Variants in CCNY observed in about 807,000 individuals in gnomAD.
CCNY encodes the protein cyclin-Y.
In CCNY, 19 loss-of-function variants were observed where a neutral mutation model predicts 42.8. The observed-to-expected ratio is 0.44, with a 90% CI of 0.31 to 0.65. The LOEUF is 0.65. Among genes scored for constraint, CCNY ranks in the 30% least tolerant of loss-of-function variants. CCNY has a pLI of 0.07. For synonymous variants in CCNY, 165 were observed against 162.7 expected, an observed-to-expected ratio of 1.01 and a Z score of -0.11; for missense variants, 370 against 437.3, an observed-to-expected ratio of 0.85 and a Z score of 1.37.
intron 3 of CCNY, among the ~76,000 whole-genome samples, chr10:35,516,261 G>A (rs1194879049): frequency 2.0e-5 from 3 of 152,230 alleles, no homozygotes; most frequent in Non-Finnish European, 4.4e-5. Context: ...GCTTTTTGAT[G>A]CTTGATTGCA....
chr10:35,428,187 T>C (rs1838310615), intron 1 of CCNY, among the ~76,000 whole-genome samples: 1 of 152,322 alleles, frequency 6.6e-6, no homozygotes, highest in Non-Finnish European at 1.5e-5. Context: ...CTTTACAGTC[T>C]AATGGGAGAG....
At position 35,267,732 on chromosome 10, in the gene CCNY, C is replaced by T. The variant is rs1450281537; in HGVS notation, c.-9+17106C>T. Among the ~76,000 whole-genome samples the T allele has an allele frequency of 5.3e-5, 8 of 152,144 alleles. No individual in the cohort carries two copies. The South Asian group carries it at 1.0e-3, about 20-fold the overall frequency. On this transcript the variant is annotated intron_variant, in intron 3 of 11. Coordinates refer to the CCNY transcript ENST00000374706. ...ACTAATAAAAAGGACAGTGTGGGCACGAGTGCTGCCCTTTTGTTCCTTACA... is the reference window on the plus strand; with the variant it reads ...ACTAATAAAAAGGACAGTGTGGGCATGAGTGCTGCCCTTTTGTTCCTTACA...
At chr10:35,510,253 C>T (rs1840298863) in intron 3 of CCNY, among the ~76,000 whole-genome samples, 1 of 152,172 alleles carries the variant, frequency 6.6e-6, no homozygotes, top group African/African-American at 2.4e-5. Context: ...TTCACTCTGT[C>T]ACTCAGGGTG....
At chr10:35,434,026 C>CTT (rs764055028) in intron 1 of CCNY, 1 of 152,216 alleles carries the variant, frequency 6.6e-6, no homozygotes, top group Non-Finnish European at 1.5e-5. Flanking sequence ...TATTTACACA[C>CTT]TTGTGAGTGA....
intron 1 of CCNY, among the ~76,000 whole-genome samples, chr10:35,339,063 G>T (rs1207942426): frequency 6.6e-6 from 1 of 152,170 alleles, no homozygotes. Context: ...AGAGTATAGG[G>T]CAGGTTTCCA....
rs1278842530 is a variant in CCNY at position 35,572,564 on chromosome 10, G to C, written c.*3394G>C. ...CAAAGTGCTGAGATTACAGGCGTGA[G>C]CCACTGCCCCTGGCCCAGATTTGAA... On this transcript the variant is annotated 3_prime_UTR_variant, in exon 10 of 10. Transcript: ENST00000374704. The C allele has an allele frequency of 6.6e-6, 1 of 152,184 alleles. No homozygotes were observed. The highest frequency in any genetic ancestry group is 6.5e-5 in the Admixed American group (1 of 15,282). The allele number at this position is 152,184 out of a possible 1,614,324, so 9.4% of individuals were successfully genotyped here. A position where few individuals can be genotyped will look rare whatever the true frequency, so the allele number is the denominator to read the frequency against.
intron 2 of CCNY, among the ~76,000 whole-genome samples, chr10:35,490,402 A>G (rs1839872245): frequency 6.6e-6 from 1 of 152,220 alleles, no homozygotes; most frequent in Non-Finnish European, 1.5e-5. Flanking sequence ...TGCAATTCAC[A>G]TAACATGTTA....
intron 2 of CCNY, among the ~76,000 whole-genome samples, chr10:35,496,411 G>T (rs1454588270): frequency 6.6e-6 from 1 of 152,226 alleles, no homozygotes; most frequent in African/African-American, 2.4e-5. Flanking sequence ...TCCTTGGCCT[G>T]CTTGGGCTCT....
intron 3 of CCNY, among the ~76,000 whole-genome samples, chr10:35,310,845 A>G (rs544656201): frequency 6.6e-6 from 1 of 152,356 alleles, no homozygotes; most frequent in Admixed American, 6.5e-5. Context: ...GTTCACTATT[A>G]AAAACAGAGG....
chr10:35,456,077 T>C (rs959235910), intron 1 of CCNY, among the ~76,000 whole-genome samples: 1 of 152,194 alleles, frequency 6.6e-6, no homozygotes, highest in South Asian at 2.1e-4. Flanking sequence ...CTCATGTTTT[T>C]CCCCATGTCT....
At chr10:35,452,039 G>A (rs1162874896) in intron 1 of CCNY, among the ~76,000 whole-genome samples, 1 of 152,114 alleles carries the variant, frequency 6.6e-6, no homozygotes, top group Admixed American at 6.5e-5. Flanking sequence ...TGTATGCCAA[G>A]GTCAGACTAA....
chr10:35,398,514 A>AT (rs981664701), intron 1 of CCNY, among the ~76,000 whole-genome samples: 1 of 151,672 alleles, frequency 6.6e-6, no homozygotes, highest in African/African-American at 2.4e-5. Flanking sequence ...TCCAGTTCCT[A>AT]TGTTTTGACT....
At chr10:35,283,774 C>T (rs997262530) in intron 3 of CCNY, among the ~76,000 whole-genome samples, 12 of 137,388 alleles carry the variant, frequency 8.7e-5, no homozygotes, top group African/African-American at 1.3e-4. Context: ...TGCTTCATAA[C>T]GGTTTTTCTA....
chr10:35,526,623 G>A (rs750281628), intron 5 of CCNY, among the ~76,000 whole-genome samples: 12 of 150,590 alleles, frequency 8.0e-5, no homozygotes, highest in Admixed American at 5.9e-4. Context: ...GAACCAAAAT[G>A]TATTTCTTTC....
chr10:35,435,228 G>T (rs1838503211), intron 1 of CCNY, among the ~76,000 whole-genome samples: 1 of 152,230 alleles, frequency 6.6e-6, no homozygotes, highest in African/African-American at 2.4e-5. Context: ...ATCTCTGCCA[G>T]GGCCTTCAGT....
intron 3 of CCNY, among the ~76,000 whole-genome samples, chr10:35,281,403 G>T (rs1835297881): frequency 6.6e-6 from 1 of 152,038 alleles, no homozygotes; most frequent in South Asian, 2.1e-4. Context: ...GGGTTCAAGT[G>T]ATTCTCTTGC....
chr10:35,443,003 G>A (rs1369998223), intron 1 of CCNY, among the ~76,000 whole-genome samples: 3 of 152,188 alleles, frequency 2.0e-5, no homozygotes, highest in East Asian at 1.9e-4. Flanking sequence ...GAACACAGTG[G>A]TTAAGAACTT....
At chr10:35,279,694 G>A (rs1835277782) in intron 3 of CCNY, among the ~76,000 whole-genome samples, 1 of 152,192 alleles carries the variant, frequency 6.6e-6, no homozygotes, top group African/African-American at 2.4e-5. Context: ...TGAGAGCAAG[G>A]CCTGCCCATG....
At chr10:35,555,890 A>G (rs1337213166) in intron 8 of CCNY, among the ~76,000 whole-genome samples, 2 of 152,190 alleles carry the variant, frequency 1.3e-5, no homozygotes, top group African/African-American at 2.4e-5. Context: ...ATACATTATA[A>G]TAAGGTTGGA....
Sources: gnomAD v4.1 joint callset for allele counts (sites outside exome capture counted in the v4.1 genomes callset) on GRCh38, gnomAD v4.1.1 for gene constraint, MANE v1.5 for transcripts, NCBI Gene and HGNC (gene_info 2026-07-23, HGNC 2026-07-21) for gene names.